The following ATRNL1 variants were observed in gnomAD, a reference collection of about 807,000 sequenced individuals.
ATRNL1 encodes attractin like 1, also known as attractin-like protein 1.
Under a neutral mutation model 182.7 loss-of-function variants are expected in ATRNL1, and 95 were observed. The ratio of observed to expected loss-of-function variants is 0.52; its 90% CI spans 0.44 to 0.62. ATRNL1 has a LOEUF of 0.62. Ranked by LOEUF, ATRNL1 falls within the 20% of genes least tolerant of loss-of-function variation. ATRNL1 has a pLI of 0.00. For synonymous variants in ATRNL1, 576 were observed against 568.3 expected, an observed-to-expected ratio of 1.01 and a Z score of -0.19; for missense variants, 1,471 against 1,679.5, an observed-to-expected ratio of 0.88 and a Z score of 2.17.
At chr10:115,223,928 TA>T (rs1554771067) in intron 9 of ATRNL1, among the ~76,000 whole-genome samples, 14 of 84,870 alleles carry the variant, frequency 1.6e-4, no homozygotes, top group African/African-American at 5.5e-4. Flanking sequence ...TATATATATA[TA>T]TTTTTTTTTT....
At chr10:115,384,109 A>G (rs1428327382) in intron 19 of ATRNL1, among the ~76,000 whole-genome samples, 2 of 152,084 alleles carry the variant, frequency 1.3e-5, no homozygotes, top group Non-Finnish European at 2.9e-5. Flanking sequence ...AGTTTGTGTC[A>G]TTAAAGCACT....
intron 24 of ATRNL1, among the ~76,000 whole-genome samples, chr10:115,470,483 A>C (rs1433565668): frequency 6.6e-6 from 1 of 150,534 alleles, no homozygotes; most frequent in Non-Finnish European, 1.5e-5. Context: ...TATTTATCAA[A>C]TTTCACTTCA....
At chr10:115,567,787 G>T (rs1458898431) in intron 26 of ATRNL1, among the ~76,000 whole-genome samples, 1 of 152,090 alleles carries the variant, frequency 6.6e-6, no homozygotes, top group Non-Finnish European at 1.5e-5. Flanking sequence ...ATAGCAGTTA[G>T]TTTAATGAGA....
At chr10:115,442,244 G>A (rs1353966076) in intron 21 of ATRNL1, among the ~76,000 whole-genome samples, 3 of 139,312 alleles carry the variant, frequency 2.2e-5, no homozygotes, top group African/African-American at 8.5e-5. Flanking sequence ...TCCTCAAACA[G>A]CGCAGCTTCA....
chr10:115,894,325 A>G (rs1188878054), intron 28 of ATRNL1, among the ~76,000 whole-genome samples: 2 of 152,230 alleles, frequency 1.3e-5, no homozygotes, highest in African/African-American at 2.4e-5. Flanking sequence ...AGCATTGGTC[A>G]TGAACTTGCT....
chr10:115,446,154 C>T (rs1212480879), intron 21 of ATRNL1, among the ~76,000 whole-genome samples: 1 of 151,978 alleles, frequency 6.6e-6, no homozygotes, highest in African/African-American at 2.4e-5. Context: ...TACCCTTCAA[C>T]TCATTATGAT....
intron 1 of ATRNL1, among the ~76,000 whole-genome samples, chr10:115,112,896 T>C (rs1844319622): frequency 2.0e-5 from 3 of 152,190 alleles, no homozygotes; most frequent in Admixed American, 2.0e-4. Context: ...TCAGTAAACT[T>C]TCCAATCTAT....
chr10:115,115,925 G>T (rs1269742096), intron 1 of ATRNL1, among the ~76,000 whole-genome samples: 1 of 152,032 alleles, frequency 6.6e-6, no homozygotes, highest in African/African-American at 2.4e-5. Flanking sequence ...GGCCAACCTT[G>T]TGTTATAAAC....
At chr10:115,292,821 AGTAT>A (rs1380388513) in intron 15 of ATRNL1, among the ~76,000 whole-genome samples, 5 of 152,112 alleles carry the variant, frequency 3.3e-5, no homozygotes, top group African/African-American at 4.8e-5. Context: ...GCTGATGAAA[AGTAT>A]GTGTATTCTT....
intron 27 of ATRNL1, among the ~76,000 whole-genome samples, chr10:115,769,455 A>G (rs143756542): frequency 4.3e-4 from 65 of 152,330 alleles, no homozygotes; most frequent in Non-Finnish European, 6.5e-4. Context: ...AGCCAAACAG[A>G]CATATGTTTG....
At chr10:115,604,377 A>G (rs1382221293) in intron 26 of ATRNL1, among the ~76,000 whole-genome samples, 2 of 152,040 alleles carry the variant, frequency 1.3e-5, no homozygotes, top group South Asian at 2.1e-4. Context: ...CGAGTTTTCT[A>G]CTGAGTACTC....
intron 21 of ATRNL1, among the ~76,000 whole-genome samples, chr10:115,459,699 A>G (rs571894603): frequency 3.9e-5 from 6 of 152,024 alleles, no homozygotes; most frequent in African/African-American, 1.4e-4. Context: ...TTGCCTTGTG[A>G]TATTCTATTA....
intron 5 of ATRNL1, among the ~76,000 whole-genome samples, chr10:115,156,107 G>T (rs1244359157): frequency 6.6e-6 from 1 of 152,136 alleles, no homozygotes; most frequent in African/African-American, 2.4e-5. Flanking sequence ...CAAGTGAGGA[G>T]TCAGGGGAAC....
rs556507281 is a variant in ATRNL1 at position 115,858,909 on chromosome 10, C to T, written c.4018+10918C>T. On this transcript the variant is annotated intron_variant, in intron 28 of 28. Coordinates refer to ENST00000355044, the MANE Select transcript of ATRNL1 (RefSeq NM_207303.4). ...CTGCTATAATAAAATATTAGAGTCT[C>T]GGTGACTTAAACAACAAACATTTGT... Among the ~76,000 whole-genome samples the T allele has an allele frequency of 1.1e-4, 17 of 152,094 alleles. No individual in the cohort carries two copies. In the South Asian group the frequency reaches 2.7e-3, roughly 24 times the overall value.
chr10:115,240,623 A>G (rs529202403), intron 9 of ATRNL1, among the ~76,000 whole-genome samples: 2 of 152,248 alleles, frequency 1.3e-5, no homozygotes, highest in South Asian at 2.1e-4. Flanking sequence ...TACATATACT[A>G]TACTAACTAT....
At chr10:115,400,972 A>G (rs1410773963) in intron 20 of ATRNL1, among the ~76,000 whole-genome samples, 1 of 152,036 alleles carries the variant, frequency 6.6e-6, no homozygotes, top group Non-Finnish European at 1.5e-5. Flanking sequence ...TTTAATTTCC[A>G]ACAGAATTTA....
chr10:115,621,679 A>G (rs1359716481), intron 26 of ATRNL1, among the ~76,000 whole-genome samples: 3 of 152,068 alleles, frequency 2.0e-5, no homozygotes, highest in African/African-American at 7.2e-5. Context: ...TAGCCCTCCT[A>G]GAATCCCTGA....
intron 5 of ATRNL1, among the ~76,000 whole-genome samples, chr10:115,141,600 A>G (rs1429788450): frequency 6.6e-6 from 1 of 152,194 alleles, no homozygotes; most frequent in African/African-American, 2.4e-5. Context: ...TGGGTTAGTC[A>G]TATAACATAT....
At chr10:115,233,336 C>T (rs1850039054) in intron 9 of ATRNL1, among the ~76,000 whole-genome samples, 2 of 152,184 alleles carry the variant, frequency 1.3e-5, no homozygotes, top group African/African-American at 4.8e-5. Context: ...ATTTCTTTTT[C>T]TGTTTATGAT....
Sources: gnomAD v4.1 joint callset for allele counts (sites outside exome capture counted in the v4.1 genomes callset) on GRCh38, gnomAD v4.1.1 for gene constraint, MANE v1.5 for transcripts, NCBI Gene and HGNC (gene_info 2026-07-23, HGNC 2026-07-21) for gene names.